Variants in EPHA5 observed in about 807,000 individuals in gnomAD.
EPHA5 encodes the protein ephrin type-A receptor 5.
A neutral mutation model predicts 105.0 loss-of-function variants in EPHA5; 60 were observed. The ratio of observed to expected loss-of-function variants is 0.57; its 90% CI spans 0.46 to 0.71. EPHA5 has a LOEUF of 0.71. EPHA5 is among the 30% of genes least tolerant of loss of function. EPHA5 has a pLI of 0.00. For missense variants in EPHA5, 1,218 were observed against 1,274.7 expected, an observed-to-expected ratio of 0.96 and a Z score of 0.68; for synonymous variants, 513 against 449.1, an observed-to-expected ratio of 1.14 and a Z score of -1.80.
intron 3 of EPHA5, among the ~76,000 whole-genome samples, chr4:65,502,159 A>G (rs1206729326): frequency 6.6e-6 from 1 of 151,810 alleles, no homozygotes; most frequent in Admixed American, 6.6e-5. Context: ...CTAGAAGAAA[A>G]CATTAGGAAA....
chr4:65,463,468 C>T (rs902685902), intron 5 of EPHA5, among the ~76,000 whole-genome samples: 1 of 152,126 alleles, frequency 6.6e-6, no homozygotes, highest in African/African-American at 2.4e-5. Context: ...ACTGTTAATA[C>T]AGGCTCTTCA....
At chr4:65,528,681 T>C (rs1304392066) in intron 3 of EPHA5, among the ~76,000 whole-genome samples, 1 of 152,086 alleles carries the variant, frequency 6.6e-6, no homozygotes, top group Non-Finnish European at 1.5e-5. Context: ...TTTCATGTTA[T>C]TTTTTTTCCA....
chr4:65,472,784 A>T (rs181142763), intron 5 of EPHA5, among the ~76,000 whole-genome samples: 2 of 152,272 alleles, frequency 1.3e-5, no homozygotes, highest in East Asian at 3.9e-4. Flanking sequence ...AAGCCAGGAG[A>T]CTTAGGAGAG....
chr4:65,438,756 G>T (rs1169399889), intron 5 of EPHA5, among the ~76,000 whole-genome samples: 1 of 149,530 alleles, frequency 6.7e-6, no homozygotes, highest in Non-Finnish European at 1.5e-5. Flanking sequence ...ATGGTTAGAG[G>T]TTTTATTTGG....
intron 5 of EPHA5, among the ~76,000 whole-genome samples, chr4:65,421,673 A>G (rs1371527664): frequency 2.0e-5 from 3 of 152,110 alleles, no homozygotes; most frequent in African/African-American, 7.2e-5. Context: ...GTTTTTACCT[A>G]ATGAATTGGT....
chr4:65,558,572 T>C (rs1347394691), intron 3 of EPHA5, among the ~76,000 whole-genome samples: 2 of 152,080 alleles, frequency 1.3e-5, no homozygotes, highest in Non-Finnish European at 2.9e-5. Flanking sequence ...CTTTAAGTTT[T>C]AGGGTACATG....
intron 3 of EPHA5, among the ~76,000 whole-genome samples, chr4:65,516,584 G>A (rs114641602): frequency 0.011 from 1,629 of 152,060 alleles, 30 homozygotes; most frequent in African/African-American, 0.037. Context: ...GCGTGCATAT[G>A]TCTGTGTGTC....
At chr4:65,447,098 C>G (rs549788000) in intron 5 of EPHA5, among the ~76,000 whole-genome samples, 1 of 151,476 alleles carries the variant, frequency 6.6e-6, no homozygotes, top group African/African-American at 2.4e-5. Context: ...GCAATCCTCC[C>G]ACCTCAGTCT....
chr4:65,339,910 C>T (rs28408112), intron 14 of EPHA5, among the ~76,000 whole-genome samples: 1,581 of 152,226 alleles, frequency 0.01, 25 homozygotes, highest in African/African-American at 0.036. Context: ...CAGACAGTGG[C>T]CCTGGCTGTG....
chr4:65,631,945 A>T (rs151216108), intron 2 of EPHA5, among the ~76,000 whole-genome samples: 4 of 151,778 alleles, frequency 2.6e-5, no homozygotes, highest in African/African-American at 9.7e-5. Context: ...TAATGCATGT[A>T]TATCTCAAAA....
intron 3 of EPHA5, among the ~76,000 whole-genome samples, chr4:65,526,951 A>AAAG (rs1227911518): frequency 6.6e-6 from 1 of 152,076 alleles, no homozygotes; most frequent in African/African-American, 2.4e-5. Flanking sequence ...ACTAAACATA[A>AAAG]AAGAGATCCT....
intron 2 of EPHA5, among the ~76,000 whole-genome samples, chr4:65,622,972 T>G (rs376065969): frequency 3.4e-4 from 51 of 152,224 alleles, no homozygotes; most frequent in African/African-American, 1.2e-3. Flanking sequence ...AACATTAAAG[T>G]TTAAGAGCAT....
chr4:65,617,759 A>G (rs1745371220), intron 2 of EPHA5, among the ~76,000 whole-genome samples: 2 of 152,154 alleles, frequency 1.3e-5, no homozygotes, highest in African/African-American at 4.8e-5. Flanking sequence ...AAGGTTTTAT[A>G]GTGAAGAGAA....
intron 2 of EPHA5, among the ~76,000 whole-genome samples, chr4:65,640,246 C>G (rs1406460773): frequency 6.7e-6 from 1 of 150,298 alleles, no homozygotes; most frequent in Non-Finnish European, 1.5e-5. Flanking sequence ...TTTTCAATGG[C>G]CATGTGTAGA....
At chr4:65,380,533 T>C (rs887627413) in intron 8 of EPHA5, among the ~76,000 whole-genome samples, 1 of 151,688 alleles carries the variant, frequency 6.6e-6, no homozygotes, top group African/African-American at 2.4e-5. Context: ...ATGGATAAAT[T>C]ATGACTTAAA....
rs1224253940 is a variant in EPHA5, at chr4:65,388,123, C to A, written c.1793+16251G>T. Among the ~76,000 whole-genome samples the A allele has an allele frequency of 8.0e-5, 12 of 150,582 alleles. No homozygotes were observed. The East Asian group carries it at 2.4e-3, about 30-fold the overall frequency. On this transcript the variant is annotated intron_variant, in intron 8 of 16. Coordinates refer to ENST00000613740, the MANE Select transcript of EPHA5 (RefSeq NM_001281766.3). ...GAGAATGATGATTTCCAATTTCATC[C>A]ATGTCCCTACAAAGGACATGAACTC...
chr4:65,600,596 T>A (rs1030206474), intron 3 of EPHA5, among the ~76,000 whole-genome samples: 1 of 152,172 alleles, frequency 6.6e-6, no homozygotes, highest in African/African-American at 2.4e-5. Flanking sequence ...GTCTGATTCA[T>A]GTAACAGAGT....
At chr4:65,367,720 C>G (rs1423881179) in intron 8 of EPHA5, among the ~76,000 whole-genome samples, 1 of 151,994 alleles carries the variant, frequency 6.6e-6, no homozygotes, top group Admixed American at 6.6e-5. Flanking sequence ...CTCTTTTCCT[C>G]TTTTACTTTA....
chr4:65,613,981 T>C (rs1013380000), intron 2 of EPHA5, among the ~76,000 whole-genome samples: 1 of 151,934 alleles, frequency 6.6e-6, no homozygotes, highest in Non-Finnish European at 1.5e-5. Flanking sequence ...ACTTTAATAT[T>C]TTACTTGAGA....
Sources: allele counts gnomAD v4.1 joint callset (sites outside exome capture counted in the v4.1 genomes callset), GRCh38; gene constraint gnomAD v4.1.1; transcripts MANE v1.5; gene names NCBI Gene and HGNC (gene_info 2026-07-23, HGNC 2026-07-21).